ZNF518B: variants seen among roughly 807,000 people sequenced by gnomAD.
ZNF518B encodes the protein zinc finger protein 518B.
Under a neutral mutation model 56.3 loss-of-function variants are expected in ZNF518B, and 23 were observed. That is an observed-to-expected ratio of 0.41 (90% CI 0.29 to 0.58). The LOEUF is 0.58. Among genes scored for constraint, ZNF518B ranks in the 20% least tolerant of loss-of-function variants. The pLI is 0.32. For synonymous variants in ZNF518B, 529 were observed against 465.9 expected (o/e 1.14, Z -1.74); for missense variants, 1,460 against 1,272.1 (o/e 1.15, Z -2.25).
At chr4:10,456,120 TAA>T (rs1202742343) in intron 1 of ZNF518B, among the ~76,000 whole-genome samples, 5 of 152,182 alleles carry the variant, frequency 3.3e-5, no homozygotes, top group African/African-American at 9.7e-5. Context: ...TAAGATGGTT[TAA>T]AGAGTCTAAC....
At chr4:10,458,987 G>A (rs374307166), upstream of ZNF518B, among the ~76,000 whole-genome samples, 2 of 152,206 alleles carry the variant, frequency 1.3e-5, no homozygotes, top group Non-Finnish European at 2.9e-5. Context: ...ACACAGAATT[G>A]ATGTAAGGTA....
At chr4:10,459,956 C>A (rs1715690148), upstream of ZNF518B, among the ~76,000 whole-genome samples, 1 of 152,106 alleles carries the variant, frequency 6.6e-6, no homozygotes, top group Non-Finnish European at 1.5e-5. Flanking sequence ...ATGAACCAGT[C>A]CTTGAGTATA....
intron 2 of ZNF518B, among the ~76,000 whole-genome samples, chr4:10,450,476 T>C (rs1191388412): frequency 1.3e-5 from 2 of 152,242 alleles, no homozygotes; most frequent in East Asian, 1.9e-4. Flanking sequence ...ACAAGGTAAA[T>C]GGACACAGCC....
At chr4:10,447,110 A>T (rs1168772304) in intron 2 of ZNF518B, among the ~76,000 whole-genome samples, 4 of 152,196 alleles carry the variant, frequency 2.6e-5, no homozygotes, top group Non-Finnish European at 5.9e-5. Flanking sequence ...GCAGCATCTT[A>T]TTGGGAATCT....
intron 2 of ZNF518B, chr4:10,451,334 GAAGT>G (rs1715303333): frequency 2.0e-5 from 3 of 152,198 alleles, no homozygotes; most frequent in Admixed American, 6.5e-5. Flanking sequence ...AATTTGAAGA[GAAGT>G]AAGTGGTAAC....
intron 2 of ZNF518B, among the ~76,000 whole-genome samples, chr4:10,450,637 T>C (rs1715263491): frequency 6.6e-6 from 1 of 152,194 alleles, no homozygotes; most frequent in South Asian, 2.1e-4. Context: ...CCTGTGAAGC[T>C]GAGTCCTCTT....
At chr4:10,447,022 ACT>A (rs1436911771) in intron 2 of ZNF518B, among the ~76,000 whole-genome samples, 4 of 152,240 alleles carry the variant, frequency 2.6e-5, no homozygotes, top group Admixed American at 2.0e-4. Flanking sequence ...TTGAATACCA[ACT>A]CTCTCACTTA....
rs1714771763 is a variant in ZNF518B, at chr4:10,443,355, G to A, written c.2974C>T (p.Leu992=). ...QLGIRRHHVR[L]TYQNAEEASQ... is the part of the protein sequence containing the mutation. ...GCTTCTTCCGCATTCTGGTAGGTCA[G>A]GCGTACATGATGCCGTCTGATGCCT... The change falls in exon 3 of 3, where the codon CTG becomes TTG. Residue 992 remains leucine (L), a synonymous_variant. Coordinates refer to ENST00000326756, the MANE Select transcript of ZNF518B (RefSeq NM_053042.3). 6.2e-7 allele frequency: 1 copy of A among 1,614,118 alleles called. No individual in the cohort carries two copies. The highest frequency in any genetic ancestry group is 1.3e-5 in the African/African-American group (1 of 74,930).
At chr4:10,454,205 G>C (rs1208924212) in intron 2 of ZNF518B, 1 of 152,236 alleles carries the variant, frequency 6.6e-6, no homozygotes, top group Non-Finnish European at 1.5e-5. Context: ...CTGTCATGGG[G>C]CAAACAGACA....
In ZNF518B at chr4:10,440,921, A is replaced by G. The variant is rs947535625; in HGVS notation, c.*2183T>C. 5.9e-5 allele frequency: 9 copies of G among 152,710 alleles called. No individual in the cohort carries two copies. The allele number at this position is 152,710 out of a possible 1,614,324, so 9.5% of individuals were successfully genotyped here. A position where few individuals can be genotyped will look rare whatever the true frequency, so the allele number is the denominator to read the frequency against. ...ACTCCTCTCCTCTCTATATCTTGGG[A>G]GCTATTTTTCATGCCACAGGAGTAC... On this transcript the variant is annotated 3_prime_UTR_variant, in exon 3 of 3. Coordinates refer to ENST00000326756, the MANE Select transcript of ZNF518B (RefSeq NM_053042.3).
At chr4:10,450,657 T>C (rs1715264048) in intron 2 of ZNF518B, among the ~76,000 whole-genome samples, 1 of 152,192 alleles carries the variant, frequency 6.6e-6, no homozygotes, top group African/African-American at 2.4e-5. Flanking sequence ...TGGCAAGTTA[T>C]GACTCTCTGG....
Position 10,444,033 on chromosome 4 carries a change from C to T in ZNF518B, c.2296G>A (p.Val766Ile). ...TTGGGGATTAACACTGGCGTGGCAACATGAGCCTTCCTGGCCACTCTGCTT... is the reference window on the plus strand; with the variant it reads ...TTGGGGATTAACACTGGCGTGGCAATATGAGCCTTCCTGGCCACTCTGCTT... Reference protein sequence around the residue: ...TKSRVARKAHVATPVLIPKGA... With the variant: ...TKSRVARKAHIATPVLIPKGA... The change falls in exon 3 of 3, where the codon GTT becomes ATT. Residue 766 changes from valine (V) to isoleucine (I), a missense_variant. Physicochemically the swap from Val to Ile is conservative, Grantham distance 29 (BLOSUM62 3). Coordinates refer to ENST00000326756, the MANE Select transcript of ZNF518B (RefSeq NM_053042.3). 1 of 1,614,256 alleles carries T rather than the reference C, an allele frequency of 6.2e-7. No homozygotes were observed. Among genetic ancestry groups the T allele is most frequent in the South Asian group, 1.1e-5 (1 of 91,090 alleles).
chr4:10,444,259 G>A lies in ZNF518B; in HGVS notation c.2070C>T (p.Arg690=). 1.2e-6 allele frequency: 2 copies of A among 1,614,210 alleles called. No individual in the cohort carries two copies. The highest frequency in any genetic ancestry group is 1.7e-6 in the Non-Finnish European group (2 of 1,180,042). ...SSLASNSAHR[R]SVGQASKGTS... is the part of the protein sequence containing the mutation. ...TTCCCTTTGATGCCTGCCCTACAGA[G>A]CGACGATGTGCACTATTTGAAGCCA... Residue 690 remains arginine (R), a synonymous_variant, in exon 3 of 3, where the codon CGC becomes CGT. Transcript: ENST00000326756.
rs1387338742 is a variant in ZNF518B at position 10,440,758 on chromosome 4, GT to G, written c.*2345del. ...ATGCTGCGAAGTGAAAATACTTCAT[GT>G]TGACAGTTAACACTCTGACCTGATT... On this transcript the variant is annotated 3_prime_UTR_variant, in exon 3 of 3. Transcript: ENST00000326756. 2 of 152,092 alleles carry G rather than the reference GT, an allele frequency of 1.3e-5. No homozygotes were observed. The highest frequency in any genetic ancestry group is 2.4e-5 in the African/African-American group (1 of 41,402). 9.4% of individuals were successfully genotyped at this position (152,092 alleles called of 1,614,324 possible). A position where few individuals can be genotyped will look rare whatever the true frequency, so the allele number is the denominator to read the frequency against.
intron 2 of ZNF518B, among the ~76,000 whole-genome samples, chr4:10,447,322 GGA>G (rs1362436750): frequency 6.6e-6 from 1 of 152,166 alleles, no homozygotes; most frequent in Non-Finnish European, 1.5e-5. Flanking sequence ...GTGGAGGTGA[GGA>G]GAGTCAGGAG....
At chr4:10,460,331 A>AAAAAAAAC (rs1715709030), upstream of ZNF518B, among the ~76,000 whole-genome samples, 1 of 144,254 alleles carries the variant, frequency 6.9e-6, no homozygotes, top group Non-Finnish European at 1.5e-5. Flanking sequence ...AAACCAAAAA[A>AAAAAAAAC]AAAAAAACCG....
upstream of ZNF518B, among the ~76,000 whole-genome samples, chr4:10,458,923 G>GTT (rs1715656124): frequency 6.6e-6 from 1 of 152,078 alleles, no homozygotes; most frequent in Non-Finnish European, 1.5e-5. Context: ...TATAAGGAGA[G>GTT]GCAACTCTCC....
At position 10,440,983 on chromosome 4, in the gene ZNF518B, T is replaced by C. The variant is rs1354496747; in HGVS notation, c.*2121A>G. 2 of 152,736 alleles carry C rather than the reference T, an allele frequency of 1.3e-5. No homozygotes were observed. Among genetic ancestry groups the C allele is most frequent in the South Asian group, 2.1e-4 (1 of 4,826 alleles). 9.5% of individuals were successfully genotyped at this position (152,736 alleles called of 1,614,324 possible). A position where few individuals can be genotyped will look rare whatever the true frequency, so the allele number is the denominator to read the frequency against. On this transcript the variant is annotated 3_prime_UTR_variant, in exon 3 of 3. Coordinates refer to ENST00000326756, the MANE Select transcript of ZNF518B (RefSeq NM_053042.3). ...TGGATAAAACTTCGAATGCTCTACG[T>C]AGTGAAGTGGTACCAAAGATCTACT...
rs536476018 is a variant in ZNF518B, at chr4:10,440,696, G to T, written c.*2408C>A. 1 of 151,790 alleles carries T rather than the reference G, an allele frequency of 6.6e-6. No individual in the cohort carries two copies. The highest frequency in any genetic ancestry group is 2.4e-5 in the African/African-American group (1 of 41,114). The allele number at this position is 151,790 out of a possible 1,614,324, so 9.4% of individuals were successfully genotyped here. ...ACTCACACAATTAAGCTCCATCAAAGTATGCAAGTTGTGTTTTTACTTATG... is the reference window on the plus strand; with the variant it reads ...ACTCACACAATTAAGCTCCATCAAATTATGCAAGTTGTGTTTTTACTTATG... On this transcript the variant is annotated 3_prime_UTR_variant, in exon 3 of 3. Transcript: ENST00000326756.
Sources: allele counts gnomAD v4.1 joint callset (sites outside exome capture counted in the v4.1 genomes callset), GRCh38; gene constraint gnomAD v4.1.1; transcripts MANE v1.5; gene names NCBI Gene and HGNC (gene_info 2026-07-23, HGNC 2026-07-21).